Variants in CSMD1 observed in about 807,000 individuals in gnomAD.
CSMD1 encodes CUB and Sushi multiple domains 1, also known as CUB and sushi domain-containing protein 1.
Under a neutral mutation model 417.5 loss-of-function variants are expected in CSMD1, and 213 were observed. The ratio of observed to expected loss-of-function variants is 0.51; its 90% confidence interval spans 0.46 to 0.57. The LOEUF (loss-of-function observed/expected upper bound fraction) is 0.57. Among genes scored for constraint, CSMD1 ranks in the 20% least tolerant of loss-of-function variants. CSMD1 has a pLI of 0.00. For missense variants in CSMD1, 6,923 were observed against 4,529.7 expected (o/e 1.53, Z -15.17); for synonymous variants, 2,862 against 1,736.8 (o/e 1.65, Z -16.11).
At chr8:3,192,611 G>C (rs960535288) in intron 33 of CSMD1, among the ~76,000 whole-genome samples, 2 of 152,086 alleles carry the variant, frequency 1.3e-5, no homozygotes, top group Non-Finnish European at 2.9e-5. Context: ...GCAGCACTTT[G>C]GCACAACGGA....
intron 26 of CSMD1, among the ~76,000 whole-genome samples, chr8:3,244,231 CTT>C (rs890423547): frequency 3.3e-5 from 5 of 152,150 alleles, no homozygotes; most frequent in South Asian, 2.1e-4. Flanking sequence ...TGGTGGAACA[CTT>C]TTTATTCTTT....
chr8:4,209,161 A>T (rs1487441739), intron 3 of CSMD1, among the ~76,000 whole-genome samples: 1 of 152,196 alleles, frequency 6.6e-6, no homozygotes, highest in African/African-American at 2.4e-5. Context: ...TCTGCCCTAG[A>T]GCCCAAGGTT....
At chr8:4,694,574 A>T (rs189169245) in intron 1 of CSMD1, among the ~76,000 whole-genome samples, 1 of 151,970 alleles carries the variant, frequency 6.6e-6, no homozygotes, top group Non-Finnish European at 1.5e-5. Flanking sequence ...CATATTAGCC[A>T]GGATCGTCTT....
intron 7 of CSMD1, among the ~76,000 whole-genome samples, chr8:3,700,884 G>T (rs1248760485): frequency 6.6e-6 from 1 of 152,178 alleles, no homozygotes; most frequent in Non-Finnish European, 1.5e-5. Flanking sequence ...AGAAGAGGAA[G>T]GATGTGGTTC....
chr8:4,727,094 G>C (rs1252762936), intron 1 of CSMD1, among the ~76,000 whole-genome samples: 1 of 152,082 alleles, frequency 6.6e-6, no homozygotes, highest in East Asian at 1.9e-4. Flanking sequence ...GGCTGAGTAG[G>C]GTGAGGAAGC....
At chr8:3,837,624 G>T (rs905078941) in intron 5 of CSMD1, among the ~76,000 whole-genome samples, 2 of 152,112 alleles carry the variant, frequency 1.3e-5, no homozygotes, top group Non-Finnish European at 2.9e-5. Context: ...TAGCGTTTGT[G>T]GAATTTTCTG....
At chr8:3,670,473 C>CAT (rs754468718) in intron 7 of CSMD1, among the ~76,000 whole-genome samples, 6 of 146,890 alleles carry the variant, frequency 4.1e-5, no homozygotes, top group East Asian at 3.9e-4. Flanking sequence ...ATATGTATCC[C>CAT]ATATATATAT....
intron 3 of CSMD1, among the ~76,000 whole-genome samples, chr8:4,118,575 A>T (rs1260149142): frequency 3.3e-5 from 5 of 152,220 alleles, no homozygotes. Context: ...GGCGATCATG[A>T]AAAAGTAAGG....
chr8:4,507,479 G>C (rs748841124), intron 2 of CSMD1, among the ~76,000 whole-genome samples: 1 of 152,096 alleles, frequency 6.6e-6, no homozygotes, highest in Non-Finnish European at 1.5e-5. Context: ...TTACAAATAA[G>C]TAAAATACAA....
chr8:3,083,648 ATTTTTTTTTTTTTT>A (rs34049524), intron 49 of CSMD1, among the ~76,000 whole-genome samples: 19 of 13,548 alleles, frequency 1.4e-3, no homozygotes, highest in South Asian at 4.2e-3. Context: ...ATATATATAT[ATTTTTTTTTTTTTT>A]TTTTTTTTTT....
At chr8:4,295,556 A>G (rs537695007) in intron 3 of CSMD1, among the ~76,000 whole-genome samples, 2 of 144,684 alleles carry the variant, frequency 1.4e-5, no homozygotes, top group African/African-American at 5.0e-5. Flanking sequence ...TAATCTTAAG[A>G]TTATATGTCA....
chr8:3,293,986 A>G (rs185121036), intron 25 of CSMD1, among the ~76,000 whole-genome samples: 141 of 151,546 alleles, frequency 9.3e-4, no homozygotes, highest in African/African-American at 3.3e-3. Flanking sequence ...GATGATGATG[A>G]CGTACAGATG....
chr8:3,601,735 A>G (rs144951625), intron 8 of CSMD1, among the ~76,000 whole-genome samples: 2 of 152,356 alleles, frequency 1.3e-5, no homozygotes, highest in African/African-American at 2.4e-5. Context: ...TGAACATTGA[A>G]TAACAACCAG....
chr8:3,795,106 A>ATAG lies in CSMD1; in HGVS notation c.819-41065_819-41064insCTA, dbSNP rs1300468251. On this transcript the variant is annotated intron_variant, in intron 5 of 69. Transcript: ENST00000635120. Reference sequence around the variant, plus strand: ...AGCTATAGATATATATCTATCATGTACAGCTATAGATATCTATCATGTACA... The same window carrying ATAG: ...AGCTATAGATATATATCTATCATGTATAGCAGCTATAGATATCTATCATGTACA... 8.6e-4 allele frequency among the ~76,000 whole-genome samples: 78 copies of ATAG among 90,420 alleles called. 6 individuals are homozygous for ATAG. Among genetic ancestry groups the ATAG allele is most frequent in the Middle Eastern group, 0.021 (2 of 96 alleles). The allele number at this position is 90,420 out of a possible 152,430, so 59.3% of individuals were successfully genotyped here. A position where few individuals can be genotyped will look rare whatever the true frequency, so the allele number is the denominator to read the frequency against.
intron 3 of CSMD1, among the ~76,000 whole-genome samples, chr8:4,337,849 G>C (rs984618656): frequency 2.0e-5 from 3 of 151,996 alleles, no homozygotes; most frequent in Admixed American, 2.0e-4. Flanking sequence ...TTGTTCCTTC[G>C]TAAAGACTTT....
intron 2 of CSMD1, among the ~76,000 whole-genome samples, chr8:4,574,067 G>A (rs1413058416): frequency 6.6e-6 from 1 of 152,128 alleles, no homozygotes; most frequent in African/African-American, 2.4e-5. Context: ...ACTCCATGGG[G>A]GTGGGACCCA....
chr8:4,398,524 G>C (rs985286102), intron 3 of CSMD1, among the ~76,000 whole-genome samples: 1 of 151,308 alleles, frequency 6.6e-6, no homozygotes, highest in Non-Finnish European at 1.5e-5. Context: ...CTCCCGAGTA[G>C]GTGGGACTAC....
At chr8:4,003,122 G>A (rs186567911) in intron 4 of CSMD1, among the ~76,000 whole-genome samples, 222 of 152,230 alleles carry the variant, frequency 1.5e-3, no homozygotes, top group African/African-American at 4.9e-3. Flanking sequence ...GGCTTGGCGC[G>A]GTGGCTGATG....
chr8:4,137,238 C>A (rs12114992), intron 3 of CSMD1, among the ~76,000 whole-genome samples: 1 of 152,170 alleles, frequency 6.6e-6, no homozygotes, highest in Non-Finnish European at 1.5e-5. Context: ...TCCATGATGC[C>A]TCTTTTCTGG....
Sources: gnomAD v4.1 joint callset for allele counts (sites outside exome capture counted in the v4.1 genomes callset) on GRCh38, gnomAD v4.1.1 for gene constraint, MANE v1.5 for transcripts, NCBI Gene and HGNC (gene_info 2026-07-23, HGNC 2026-07-21) for gene names.